Variants in JAZF1 observed in about 807,000 individuals in gnomAD.
JAZF1 encodes the protein juxtaposed with another zinc finger protein 1.
JAZF1 carries 8 observed loss-of-function variants against 26.4 expected under a neutral mutation model. The ratio of observed to expected loss-of-function variants is 0.30; its 90% CI spans 0.18 to 0.55. The LOEUF (loss-of-function observed/expected upper bound fraction) is 0.55, where lower values mean the gene tolerates loss of function less well. JAZF1 is among the 20% of genes least tolerant of loss of function. JAZF1 has a pLI of 0.94. For missense variants in JAZF1, 199 were observed against 322.0 expected, an observed-to-expected ratio of 0.62 and a Z score of 2.92; for synonymous variants, 126 against 122.3, an observed-to-expected ratio of 1.03 and a Z score of -0.20.
chr7:27,921,208 T>C (rs1471792143), intron 2 of JAZF1, among the ~76,000 whole-genome samples: 1 of 152,242 alleles, frequency 6.6e-6, no homozygotes, highest in Non-Finnish European at 1.5e-5. Context: ...GATCTCATGG[T>C]TGGTGGAAAA....
rs1331797135 is a variant in JAZF1 at position 28,110,507 on chromosome 7, A to AG, written c.115+69955dup. ...GGAAAGGAAAGGAAAGGAAAGGAAA[A>AG]GGAAAGGAAAAGGAAAAGGAAAAGG... On this transcript the variant is annotated intron_variant, in intron 1 of 4. Transcript: ENST00000283928. Among the ~76,000 whole-genome samples the AG allele has an allele frequency of 1.4e-4, 13 of 95,218 alleles. No homozygotes were observed. The South Asian group carries it at 1.5e-3, about 11-fold the overall frequency. The allele number at this position is 95,218 out of a possible 152,430, so 62.5% of individuals were successfully genotyped here.
At chr7:28,150,825 A>C (rs933631164) in intron 1 of JAZF1, among the ~76,000 whole-genome samples, 6 of 152,242 alleles carry the variant, frequency 3.9e-5, no homozygotes, top group Non-Finnish European at 8.8e-5. Flanking sequence ...CTTGAGGTCC[A>C]AAACTCCACC....
intron 1 of JAZF1, among the ~76,000 whole-genome samples, chr7:28,120,125 C>T (rs956945663): frequency 6.6e-6 from 1 of 152,008 alleles, no homozygotes; most frequent in Non-Finnish European, 1.5e-5. Context: ...TGTCTTGCAA[C>T]AGCACTTATC....
chr7:27,926,340 C>A (rs1296407255), intron 2 of JAZF1, among the ~76,000 whole-genome samples: 1 of 152,162 alleles, frequency 6.6e-6, no homozygotes, highest in Non-Finnish European at 1.5e-5. Flanking sequence ...GCAGGACATA[C>A]CTTCAACAGC....
At chr7:27,982,641 C>T (rs1173049258) in intron 2 of JAZF1, among the ~76,000 whole-genome samples, 1 of 152,196 alleles carries the variant, frequency 6.6e-6, no homozygotes, top group African/African-American at 2.4e-5. Flanking sequence ...TGAGAATGGA[C>T]AGACTCCCTC....
chr7:28,170,854 A>T (rs1446726885), intron 1 of JAZF1, among the ~76,000 whole-genome samples: 1 of 152,196 alleles, frequency 6.6e-6, no homozygotes, highest in Non-Finnish European at 1.5e-5. Flanking sequence ...ACCTGGCAGC[A>T]AAGCCGGCCC....
At chr7:28,165,452 G>A (rs1024579215) in intron 1 of JAZF1, among the ~76,000 whole-genome samples, 1 of 152,106 alleles carries the variant, frequency 6.6e-6, no homozygotes, top group African/African-American at 2.4e-5. Context: ...AAAGCAGAAT[G>A]GAAACTAACC....
At chr7:28,066,520 T>C (rs1292147902) in intron 1 of JAZF1, among the ~76,000 whole-genome samples, 1 of 149,760 alleles carries the variant, frequency 6.7e-6, no homozygotes, top group East Asian at 2.0e-4. Flanking sequence ...GGAGAATTGC[T>C]TGAATCCAGG....
At chr7:28,141,205 G>A in intron 1 of JAZF1, among the ~76,000 whole-genome samples, 1 of 152,034 alleles carries the variant, frequency 6.6e-6, no homozygotes, top group East Asian at 1.9e-4. Flanking sequence ...CAGAGAACAT[G>A]TGACTTCTAG....
At chr7:28,010,862 G>A (rs937029474) in intron 1 of JAZF1, among the ~76,000 whole-genome samples, 8 of 152,200 alleles carry the variant, frequency 5.3e-5, no homozygotes, top group South Asian at 2.1e-4. Flanking sequence ...CCAGTAGGTC[G>A]TATTTTCTAA....
At chr7:27,951,091 C>A (rs1785000980) in intron 2 of JAZF1, among the ~76,000 whole-genome samples, 1 of 152,202 alleles carries the variant, frequency 6.6e-6, no homozygotes, top group Non-Finnish European at 1.5e-5. Flanking sequence ...CGTAACCCAG[C>A]TTTAATTACT....
At chr7:27,970,762 T>C (rs1785360504) in intron 2 of JAZF1, among the ~76,000 whole-genome samples, 2 of 152,270 alleles carry the variant, frequency 1.3e-5, no homozygotes, top group South Asian at 4.1e-4. Flanking sequence ...GTAATTTTAC[T>C]ATTTTGACAA....
chr7:27,832,989 C>A lies in JAZF1; in HGVS notation c.556-13G>T. 1.3e-6 allele frequency: 2 copies of A among 1,539,796 alleles called. No homozygotes were observed. The highest frequency in any genetic ancestry group is 8.8e-7 in the Non-Finnish European group (1 of 1,139,348). ...TGCCATTCACATTCTGTGGAGAAGA[C>A]AAAAATATTTATTACATGGATTCAC... On this transcript the variant is annotated splice_polypyrimidine_tract_variant and intron_variant, in intron 4 of 4. Transcript: ENST00000283928.
intron 3 of JAZF1, among the ~76,000 whole-genome samples, chr7:27,864,894 A>T (rs1374108762): frequency 6.6e-6 from 1 of 152,088 alleles, no homozygotes; most frequent in African/African-American, 2.4e-5. Context: ...GACTTGGGGA[A>T]ATTTACTATA....
At chr7:27,856,063 T>C (rs1173021761) in intron 3 of JAZF1, among the ~76,000 whole-genome samples, 1 of 152,130 alleles carries the variant, frequency 6.6e-6, no homozygotes, top group Non-Finnish European at 1.5e-5. Flanking sequence ...CCGGAATTGG[T>C]GGGTTCTTGG....
At chr7:28,179,936 G>A (rs1265221583) in intron 1 of JAZF1, among the ~76,000 whole-genome samples, 1 of 35,032 alleles carries the variant, frequency 2.9e-5, no homozygotes. Context: ...CCACCTCCCC[G>A]CGGCTGCAGC....
At chr7:28,050,984 T>G (rs1333508836) in intron 1 of JAZF1, among the ~76,000 whole-genome samples, 2 of 151,686 alleles carry the variant, frequency 1.3e-5, no homozygotes, top group East Asian at 3.9e-4. Context: ...TACAAAAAAT[T>G]AGCCAGGCAT....
chr7:28,172,721 G>A (rs1783489560), intron 1 of JAZF1, among the ~76,000 whole-genome samples: 1 of 152,120 alleles, frequency 6.6e-6, no homozygotes, highest in Admixed American at 6.5e-5. Flanking sequence ...CGTTAACACT[G>A]CAATTCTCTC....
chr7:28,138,671 T>C (rs990685053), intron 1 of JAZF1, among the ~76,000 whole-genome samples: 3 of 152,206 alleles, frequency 2.0e-5, no homozygotes, highest in Admixed American at 1.3e-4. Flanking sequence ...GCCACCCTTC[T>C]TCTTCTCCAA....
Sources: allele counts gnomAD v4.1 joint callset (sites outside exome capture counted in the v4.1 genomes callset), GRCh38; gene constraint gnomAD v4.1.1; transcripts MANE v1.5; gene names NCBI Gene and HGNC (gene_info 2026-07-23, HGNC 2026-07-21).